The following CADM2 variants were observed in gnomAD, a reference collection of about 807,000 sequenced individuals.
CADM2 encodes the protein cell adhesion molecule 2.
Under a neutral mutation model 49.8 loss-of-function variants are expected in CADM2, and 12 were observed. The ratio of observed to expected loss-of-function variants is 0.24; its 90% CI spans 0.15 to 0.39. CADM2 has a LOEUF of 0.39. Among genes scored for constraint, CADM2 ranks in the 10% least tolerant of loss-of-function variants. The pLI is 1.00. For missense variants in CADM2, 378 were observed against 492.3 expected (o/e 0.77, Z 2.20); for synonymous variants, 214 against 175.4 (o/e 1.22, Z -1.74).
At chr3:85,338,768 A>G (rs896596819) in intron 1 of CADM2, among the ~76,000 whole-genome samples, 1 of 151,546 alleles carries the variant, frequency 6.6e-6, no homozygotes, top group Admixed American at 6.6e-5. Context: ...AACAATAACC[A>G]TGACAATAAA....
chr3:86,009,148 T>G (rs893033206), intron 8 of CADM2, among the ~76,000 whole-genome samples: 3 of 145,774 alleles, frequency 2.1e-5, no homozygotes, highest in South Asian at 2.1e-4. Flanking sequence ...TATATATAGA[T>G]ATATATATAT....
chr3:85,366,083 T>C (rs1462524167), intron 1 of CADM2, among the ~76,000 whole-genome samples: 2 of 152,210 alleles, frequency 1.3e-5, no homozygotes. Flanking sequence ...AATGATTTAG[T>C]TTGCTGCTTT....
chr3:85,947,803 A>G (rs995359234), intron 7 of CADM2, among the ~76,000 whole-genome samples: 8 of 151,560 alleles, frequency 5.3e-5, no homozygotes, highest in South Asian at 2.1e-4. Context: ...TGGGCACTCA[A>G]TCATTTTCAA....
chr3:85,848,562 T>C (rs1258185882), intron 3 of CADM2, among the ~76,000 whole-genome samples: 1 of 152,170 alleles, frequency 6.6e-6, no homozygotes, highest in Non-Finnish European at 1.5e-5. Flanking sequence ...AAAATATTTA[T>C]TATAACTGCA....
At chr3:85,609,465 G>A (rs776639145) in intron 1 of CADM2, among the ~76,000 whole-genome samples, 38 of 151,998 alleles carry the variant, frequency 2.5e-4, no homozygotes, top group African/African-American at 7.2e-4. Flanking sequence ...ATTCTATACC[G>A]TTATTTCTTC....
chr3:85,167,478 A>G (rs535451444), intron 1 of CADM2, among the ~76,000 whole-genome samples: 2 of 152,248 alleles, frequency 1.3e-5, no homozygotes, highest in East Asian at 3.9e-4. Context: ...GAAACATTTG[A>G]AAGCAACTGT....
intron 1 of CADM2, among the ~76,000 whole-genome samples, chr3:85,171,004 G>A (rs1312463839): frequency 6.6e-6 from 1 of 152,142 alleles, no homozygotes; most frequent in Non-Finnish European, 1.5e-5. Context: ...ACAACTGAAG[G>A]AAGTCAAAGA....
At chr3:86,019,935 A>G (rs1732891937) in intron 8 of CADM2, among the ~76,000 whole-genome samples, 1 of 152,188 alleles carries the variant, frequency 6.6e-6, no homozygotes, top group South Asian at 2.1e-4. Flanking sequence ...AAAGAACTAG[A>G]AAAGCAAGAG....
At chr3:85,347,630 A>AAT (rs1169625633) in intron 1 of CADM2, among the ~76,000 whole-genome samples, 1 of 45,076 alleles carries the variant, frequency 2.2e-5, no homozygotes, top group African/African-American at 4.8e-5. Context: ...CATATATATA[A>AAT]ATATATATAC....
chr3:85,981,430 T>A (rs1559780929), intron 8 of CADM2, among the ~76,000 whole-genome samples: 1 of 151,590 alleles, frequency 6.6e-6, no homozygotes, highest in Non-Finnish European at 1.5e-5. Context: ...TTGCTGGGAT[T>A]TGGTGTACAA....
chr3:85,845,018 G>T (rs746422285), intron 3 of CADM2, among the ~76,000 whole-genome samples: 1 of 151,718 alleles, frequency 6.6e-6, no homozygotes, highest in Non-Finnish European at 1.5e-5. Context: ...AGCCAGGCAC[G>T]TTGGTATGCA....
At chr3:85,782,099 A>G (rs1364564899) in intron 2 of CADM2, among the ~76,000 whole-genome samples, 2 of 152,228 alleles carry the variant, frequency 1.3e-5, no homozygotes, top group African/African-American at 2.4e-5. Flanking sequence ...GATTGAGTAT[A>G]TAATAGAACA....
At chr3:85,837,577 A>T (rs1212961873) in intron 3 of CADM2, among the ~76,000 whole-genome samples, 1 of 151,626 alleles carries the variant, frequency 6.6e-6, no homozygotes, top group African/African-American at 2.4e-5. Context: ...ATGTCTCGTC[A>T]TCATTCTTTG....
At chr3:85,408,541 A>C (rs1471054710) in intron 1 of CADM2, among the ~76,000 whole-genome samples, 1 of 152,204 alleles carries the variant, frequency 6.6e-6, no homozygotes, top group Non-Finnish European at 1.5e-5. Context: ...CTATAGAGAT[A>C]TGTTCTATTT....
chr3:85,454,140 AG>A (rs1370482635), intron 1 of CADM2, among the ~76,000 whole-genome samples: 4 of 152,228 alleles, frequency 2.6e-5, no homozygotes, highest in African/African-American at 9.6e-5. Context: ...AGATCACCTG[AG>A]GGCAGGAGTT....
chr3:85,534,488 A>C (rs1247684047), intron 1 of CADM2, among the ~76,000 whole-genome samples: 1 of 152,216 alleles, frequency 6.6e-6, no homozygotes, highest in Non-Finnish European at 1.5e-5. Flanking sequence ...CCATTGGCCA[A>C]ATCTAGCCCA....
intron 1 of CADM2, among the ~76,000 whole-genome samples, chr3:85,699,094 G>T (rs1166437409): frequency 6.6e-6 from 1 of 152,146 alleles, no homozygotes; most frequent in African/African-American, 2.4e-5. Context: ...TGGGAGGACA[G>T]TGATTAAACT....
At chr3:85,650,269 A>G (rs910315018) in intron 1 of CADM2, among the ~76,000 whole-genome samples, 3 of 152,196 alleles carry the variant, frequency 2.0e-5, no homozygotes, top group African/African-American at 7.2e-5. Flanking sequence ...AAGTAAGGAG[A>G]AGCGCTTTTG....
intron 1 of CADM2, among the ~76,000 whole-genome samples, chr3:85,311,382 ATTATTT>A (rs2044338863): frequency 1.4e-5 from 2 of 148,016 alleles, no homozygotes; most frequent in African/African-American, 4.9e-5. Flanking sequence ...TATTATTATT[ATTATTT>A]TTTTTGAAAC....
Sources: allele counts gnomAD v4.1 joint callset (sites outside exome capture counted in the v4.1 genomes callset), GRCh38; gene constraint gnomAD v4.1.1; transcripts MANE v1.5; gene names NCBI Gene and HGNC (gene_info 2026-07-23, HGNC 2026-07-21).